GRIP1: variants seen among roughly 807,000 people sequenced by gnomAD.
GRIP1 encodes glutamate receptor-interacting protein 1.
GRIP1 carries 45 observed loss-of-function variants against 129.9 expected under a neutral mutation model. The observed-to-expected ratio is 0.35, with a 90% CI of 0.27 to 0.44. GRIP1 has a LOEUF of 0.44. Ranked by LOEUF, GRIP1 falls within the 20% of genes least tolerant of loss-of-function variation. The pLI is 1.00. For synonymous variants in GRIP1, 530 were observed against 520.8 expected (o/e 1.02, Z -0.24); for missense variants, 1,196 against 1,396.8 (o/e 0.86, Z 2.29).
chr12:66,554,975 C>T (rs918140209), intron 2 of GRIP1, among the ~76,000 whole-genome samples: 2 of 152,132 alleles, frequency 1.3e-5, no homozygotes, highest in African/African-American at 4.8e-5. Flanking sequence ...AACTCTCTAC[C>T]CTGAAGGGAA....
At chr12:66,656,296 G>A (rs916333655) in intron 1 of GRIP1, among the ~76,000 whole-genome samples, 1 of 152,118 alleles carries the variant, frequency 6.6e-6, no homozygotes, top group African/African-American at 2.4e-5. Flanking sequence ...TTAGCCAACA[G>A]TGTATTTTTT....
chr12:66,814,099 T>C (rs1206728056), intron 1 of GRIP1, among the ~76,000 whole-genome samples: 1 of 151,862 alleles, frequency 6.6e-6, no homozygotes, highest in African/African-American at 2.4e-5. Context: ...ACTTTATATA[T>C]AGTTATAAAT....
intron 1 of GRIP1, among the ~76,000 whole-genome samples, chr12:66,694,238 G>T (rs1031994787): frequency 1.3e-5 from 2 of 152,184 alleles, no homozygotes; most frequent in Admixed American, 1.3e-4. Flanking sequence ...TCCCTGACAT[G>T]GGCTAAGCAT....
intron 1 of GRIP1, among the ~76,000 whole-genome samples, chr12:66,954,843 A>G (rs2041813910): frequency 6.6e-6 from 1 of 152,056 alleles, no homozygotes; most frequent in South Asian, 2.1e-4. Flanking sequence ...GATACGTGCT[A>G]TGGGGGAGGC....
chr12:66,418,386 T>A (rs1037931008), intron 15 of GRIP1, among the ~76,000 whole-genome samples: 1 of 152,168 alleles, frequency 6.6e-6, no homozygotes, highest in African/African-American at 2.4e-5. Context: ...TGGGCAAATA[T>A]GTCTCGAGTA....
At chr12:66,383,292 G>A (rs1006139295) in intron 19 of GRIP1, among the ~76,000 whole-genome samples, 1 of 124,112 alleles carries the variant, frequency 8.1e-6, no homozygotes, top group African/African-American at 2.8e-5. Context: ...GCGACACTCT[G>A]TCTCAAAAAC....
intron 1 of GRIP1, among the ~76,000 whole-genome samples, chr12:66,991,556 A>T (rs550302457): frequency 2.0e-5 from 3 of 152,248 alleles, no homozygotes; most frequent in Non-Finnish European, 2.9e-5. Context: ...TTCTGCAAAC[A>T]TCCATCATTT....
chr12:66,544,786 T>C (rs948894908), intron 2 of GRIP1, among the ~76,000 whole-genome samples: 2 of 152,162 alleles, frequency 1.3e-5, no homozygotes, highest in Non-Finnish European at 2.9e-5. Flanking sequence ...CTTTTGGAGT[T>C]TGCTTTTGGC....
intron 1 of GRIP1, among the ~76,000 whole-genome samples, chr12:67,060,772 G>A (rs1185426074): frequency 4.0e-5 from 6 of 149,824 alleles, no homozygotes; most frequent in African/African-American, 1.5e-4. Flanking sequence ...GCAGTGAGCC[G>A]GGAACCGCAC....
At chr12:66,968,722 T>TA (rs1308605724) in intron 1 of GRIP1, among the ~76,000 whole-genome samples, 3 of 152,168 alleles carry the variant, frequency 2.0e-5, no homozygotes, top group South Asian at 4.1e-4. Flanking sequence ...AATACACCGT[T>TA]ACAATTATTA....
intron 1 of GRIP1, among the ~76,000 whole-genome samples, chr12:67,003,697 T>C (rs1160414227): frequency 6.6e-6 from 1 of 151,440 alleles, no homozygotes; most frequent in Non-Finnish European, 1.5e-5. Flanking sequence ...CATCTCCAAA[T>C]ATAAATGAAT....
intron 1 of GRIP1, among the ~76,000 whole-genome samples, chr12:67,040,174 A>G (rs2043154877): frequency 6.6e-6 from 1 of 151,982 alleles, no homozygotes; most frequent in Non-Finnish European, 1.5e-5. Flanking sequence ...TCCAGAGTAG[A>G]GAGATAATCA....
chr12:66,863,737 T>C (rs944628133), intron 1 of GRIP1, among the ~76,000 whole-genome samples: 1 of 152,144 alleles, frequency 6.6e-6, no homozygotes, highest in African/African-American at 2.4e-5. Flanking sequence ...TCATACGCCC[T>C]GTGTTAAAGA....
chr12:66,424,873 G>A (rs2057929786), intron 14 of GRIP1, among the ~76,000 whole-genome samples: 1 of 151,988 alleles, frequency 6.6e-6, no homozygotes, highest in East Asian at 1.9e-4. Flanking sequence ...GTCTGGACTG[G>A]TTGCTTTCTA....
chr12:66,445,492 G>T lies in GRIP1; in HGVS notation c.1371C>A (p.Ser457Arg), dbSNP rs772056202. ...DFKSSLSLAS[S>R]TVGLAGQVVH... Reference sequence around the variant, plus strand: ...CAACCTGCCCAGCCAATCCTACTGTGCTGGAGGCTAAGGACACTAGAGGAA... The same window carrying T: ...CAACCTGCCCAGCCAATCCTACTGTTCTGGAGGCTAAGGACACTAGAGGAA... The change falls in exon 12 of 25, where the codon AGC (serine) becomes AGA (arginine). Residue 457 changes from serine to arginine, a missense_variant. Physicochemically the swap from Ser to Arg is moderately radical, Grantham distance 110. Transcript: ENST00000359742. 6.2e-7 allele frequency: 1 copy of T among 1,613,164 alleles called. No individual in the cohort carries two copies. The highest frequency in any genetic ancestry group is 8.5e-7 in the Non-Finnish European group (1 of 1,179,514).
chr12:66,865,369 AG>A (rs1354844514), intron 1 of GRIP1, among the ~76,000 whole-genome samples: 2 of 152,134 alleles, frequency 1.3e-5, no homozygotes, highest in African/African-American at 4.8e-5. Flanking sequence ...CTTTTTCTCA[AG>A]ATTATAACTT....
At chr12:66,868,191 C>A (rs528048270) in intron 1 of GRIP1, among the ~76,000 whole-genome samples, 41 of 152,126 alleles carry the variant, frequency 2.7e-4, no homozygotes, top group Non-Finnish European at 5.0e-4. Flanking sequence ...CATACCTTAT[C>A]AGAAGACCAA....
chr12:66,715,828 T>A (rs942760030), intron 1 of GRIP1, among the ~76,000 whole-genome samples: 9 of 152,074 alleles, frequency 5.9e-5, no homozygotes, highest in Non-Finnish European at 1.0e-4. Flanking sequence ...AAATGGTGAC[T>A]ATTTGAAACC....
intron 8 of GRIP1, among the ~76,000 whole-genome samples, chr12:66,464,951 TTTC>T (rs1399106661): frequency 1.0e-4 from 13 of 125,694 alleles, no homozygotes; most frequent in African/African-American, 4.3e-4. Flanking sequence ...TCTTTCTTTC[TTTC>T]TTTTTTTTTT....
Sources: gnomAD v4.1 joint callset for allele counts (sites outside exome capture counted in the v4.1 genomes callset) on GRCh38, gnomAD v4.1.1 for gene constraint, MANE v1.5 for transcripts, NCBI Gene and HGNC (gene_info 2026-07-23, HGNC 2026-07-21) for gene names.